The following ST6GAL1 variants were observed in gnomAD, a reference collection of about 807,000 sequenced individuals.
ST6GAL1 encodes the protein ST6 beta-galactoside alpha-2,6-sialyltransferase 1.
Under a neutral mutation model 38.0 loss-of-function variants are expected in ST6GAL1, and 20 were observed. The observed-to-expected ratio is 0.53, with a 90% CI of 0.37 to 0.77. The LOEUF (loss-of-function observed/expected upper bound fraction) is 0.77. ST6GAL1 is among the 30% of genes least tolerant of loss of function. The pLI is 0.00. For missense variants in ST6GAL1, 432 were observed against 496.4 expected (o/e 0.87, Z 1.23); for synonymous variants, 196 against 188.2 (o/e 1.04, Z -0.34).
At chr3:186,945,528 A>G (rs1043162261) in intron 1 of ST6GAL1, among the ~76,000 whole-genome samples, 1 of 152,158 alleles carries the variant, frequency 6.6e-6, no homozygotes, top group Non-Finnish European at 1.5e-5. Context: ...TGGAAGGTCA[A>G]TTGGTGAACT....
intron 6 of ST6GAL1, 91 bp from the exon 7 acceptor site, chr3:187,074,068 C>T: frequency 2.5e-6 from 3 of 1,201,930 alleles, no homozygotes; most frequent in Non-Finnish European, 3.4e-6. Flanking sequence ...GATCCTTTCC[C>T]CTCCCCATGT....
At chr3:187,061,326 C>T (rs774904006) in intron 5 of ST6GAL1, among the ~76,000 whole-genome samples, 12 of 152,060 alleles carry the variant, frequency 7.9e-5, no homozygotes, top group Non-Finnish European at 1.3e-4. Context: ...TTAATGCAAT[C>T]GTTGTGAAAA....
At chr3:187,030,541 C>T (rs1337599275) in intron 2 of ST6GAL1, among the ~76,000 whole-genome samples, 3 of 152,154 alleles carry the variant, frequency 2.0e-5, no homozygotes, top group African/African-American at 7.2e-5. Flanking sequence ...TCAAGCGATC[C>T]TCCTGCCTCA....
intron 6 of ST6GAL1, among the ~76,000 whole-genome samples, chr3:187,073,156 C>T (rs1191245473): frequency 6.6e-6 from 1 of 152,180 alleles, no homozygotes; most frequent in Admixed American, 6.5e-5. Context: ...GCCAGCACTG[C>T]CAGGTATTGT....
chr3:186,939,391 T>C (rs1008390631), intron 1 of ST6GAL1, among the ~76,000 whole-genome samples: 6 of 152,120 alleles, frequency 3.9e-5, no homozygotes, highest in African/African-American at 1.4e-4. Flanking sequence ...GGGCACTTCT[T>C]AAGCTTTACT....
intron 1 of ST6GAL1, among the ~76,000 whole-genome samples, chr3:186,960,977 T>TC (rs1221800694): frequency 1.3e-5 from 2 of 151,082 alleles, no homozygotes; most frequent in East Asian, 3.9e-4. Flanking sequence ...ATCTTTTTTT[T>TC]TTTTTTTTTT....
chr3:186,980,448 T>G (rs764718945), intron 2 of ST6GAL1, among the ~76,000 whole-genome samples: 10 of 151,968 alleles, frequency 6.6e-5, no homozygotes, highest in Non-Finnish European at 1.2e-4. Flanking sequence ...AGCTTATTAG[T>G]CCTGACACTA....
intron 2 of ST6GAL1, among the ~76,000 whole-genome samples, chr3:186,992,532 G>A (rs1419784657): frequency 1.3e-5 from 2 of 152,132 alleles, no homozygotes; most frequent in Non-Finnish European, 1.5e-5. Context: ...GGTGGCTCCC[G>A]CCTGTAATCC....
Position 187,051,315 on chromosome 3 carries a change from C to G in ST6GAL1, c.674C>G (p.Thr225Arg), listed in dbSNP as rs928510292. 3.7e-6 allele frequency: 6 copies of G among 1,614,046 alleles called. No homozygotes were observed. The highest frequency in any genetic ancestry group is 1.3e-5 in the African/African-American group (1 of 74,924). Reference protein sequence around the residue: ...PTANFQQDVGTKTTIRLMNSQ... With the variant: ...PTANFQQDVGRKTTIRLMNSQ... ...GCCAACTTCCAACAAGATGTGGGCA[C>G]AAAAACTACCATTCGCCTGATGAAC... The change falls in exon 5 of 8, where the codon ACA (threonine) becomes AGA (arginine). Residue 225 changes from threonine to arginine, a missense_variant. By Grantham distance (71) the Thr-to-Arg change is moderately conservative. Transcript: ENST00000169298.
At chr3:186,990,409 G>A (rs751074352) in intron 2 of ST6GAL1, among the ~76,000 whole-genome samples, 10 of 152,186 alleles carry the variant, frequency 6.6e-5, no homozygotes, top group Non-Finnish European at 8.8e-5. Flanking sequence ...TCATTAGAGC[G>A]AGAGAAACTG....
chr3:187,028,842 C>A (rs907269900), intron 2 of ST6GAL1, among the ~76,000 whole-genome samples: 3 of 152,080 alleles, frequency 2.0e-5, no homozygotes, highest in Non-Finnish European at 2.9e-5. Context: ...TTGACTTGTT[C>A]TTCTTTCTTC....
intron 1 of ST6GAL1, among the ~76,000 whole-genome samples, chr3:186,958,733 C>T (rs1403565001): frequency 6.6e-6 from 1 of 152,122 alleles, no homozygotes; most frequent in Non-Finnish European, 1.5e-5. Context: ...TGGTGGATCA[C>T]TTGAGGTCAG....
chr3:187,014,025 T>G (rs767586672), intron 2 of ST6GAL1, among the ~76,000 whole-genome samples: 1 of 152,238 alleles, frequency 6.6e-6, no homozygotes, highest in East Asian at 1.9e-4. Context: ...AAGCCGGGCC[T>G]CAGCCTTCTG....
intron 2 of ST6GAL1, among the ~76,000 whole-genome samples, chr3:186,976,533 G>A (rs551370467): frequency 3.9e-5 from 6 of 152,034 alleles, no homozygotes; most frequent in African/African-American, 9.7e-5. Context: ...GGGTTCAAGC[G>A]CTTCTCCTGC....
chr3:186,960,846 T>C (rs1172346101), intron 1 of ST6GAL1, among the ~76,000 whole-genome samples: 1 of 151,858 alleles, frequency 6.6e-6, no homozygotes, highest in East Asian at 1.9e-4. Flanking sequence ...CTAGACTCAC[T>C]ACATACCTGC....
At chr3:186,979,819 C>T (rs906115261) in intron 2 of ST6GAL1, among the ~76,000 whole-genome samples, 1 of 152,070 alleles carries the variant, frequency 6.6e-6, no homozygotes, top group African/African-American at 2.4e-5. Flanking sequence ...GAGTTTAAAT[C>T]CTGGTCTCGG....
chr3:187,022,918 G>T (rs974846274), intron 2 of ST6GAL1, among the ~76,000 whole-genome samples: 3 of 152,082 alleles, frequency 2.0e-5, no homozygotes, highest in African/African-American at 7.2e-5. Context: ...TGCCTTTTAT[G>T]GCCTTAGGTA....
At chr3:187,033,306 G>A (rs150743107) in intron 2 of ST6GAL1, among the ~76,000 whole-genome samples, 2 of 152,124 alleles carry the variant, frequency 1.3e-5, no homozygotes, top group African/African-American at 4.8e-5. Context: ...CCAGCTACTG[G>A]GGAGGCTGAG....
chr3:186,932,261 T>TG (rs1165415334), intron 1 of ST6GAL1, among the ~76,000 whole-genome samples: 4 of 152,168 alleles, frequency 2.6e-5, no homozygotes, highest in African/African-American at 9.7e-5. Context: ...TTCAGCCACT[T>TG]GTCCAAGTTT....
Sources: allele counts gnomAD v4.1 joint callset (sites outside exome capture counted in the v4.1 genomes callset), GRCh38; gene constraint gnomAD v4.1.1; transcripts MANE v1.5; gene names NCBI Gene and HGNC (gene_info 2026-07-23, HGNC 2026-07-21).